Variants in ZNF814 observed in about 807,000 individuals in gnomAD.
The protein encoded by ZNF814 is zinc finger protein 814.
Under a neutral mutation model 7.5 loss-of-function variants are expected in ZNF814, and 5 were observed. The ratio of observed to expected loss-of-function variants is 0.67; its 90% CI spans 0.35 to 1.40. The LOEUF is 1.40. Among genes scored for constraint, ZNF814 ranks in the 40% most tolerant of loss-of-function variants. The pLI is 0.04. For missense variants in ZNF814, 962 were observed against 1,018.0 expected (o/e 0.94, Z 0.75); for synonymous variants, 315 against 340.7 (o/e 0.92, Z 0.83).
Position 57,873,405 on chromosome 19 carries a change from C to G in ZNF814, c.1985G>C (p.Cys662Ser), listed in dbSNP as rs1411876967. 1.9e-6 allele frequency: 3 copies of G among 1,611,762 alleles called. No individual in the cohort carries two copies. The East Asian group carries it at 6.7e-5, about 36-fold the overall frequency. The change falls in exon 3 of 3, where the codon TGT becomes TCT. Residue 662 changes from cysteine (C) to serine (S), a missense_variant. Transcript: ENST00000435989. ...ACTAAAACATTTCCCACATTCCCCA[C>G]ACTTAAAAGGTCTTTCTGTAGTGTG... Reference protein sequence around the residue: ...RVHTTERPFKCGECGKCFSHK... With the variant: ...RVHTTERPFKSGECGKCFSHK...
chr19:57,879,473 G>A (rs574199772), intron 1 of ZNF814, among the ~76,000 whole-genome samples: 32 of 148,814 alleles, frequency 2.2e-4, no homozygotes, highest in African/African-American at 7.1e-4. Flanking sequence ...AATAATGTCC[G>A]CCAGGGACCC....
chr19:57,889,691 C>A (rs2122477160), upstream of ZNF814, among the ~76,000 whole-genome samples: 1 of 152,130 alleles, frequency 6.6e-6, no homozygotes. Context: ...ATGGTGAAAC[C>A]CCGCCTCTAC....
At chr19:57,887,951 T>C (rs901221550) in intron 1 of ZNF814, among the ~76,000 whole-genome samples, 2 of 152,194 alleles carry the variant, frequency 1.3e-5, no homozygotes, top group African/African-American at 4.8e-5. Flanking sequence ...TCCTTTTAAT[T>C]TTTTGCATGT....
intron 1 of ZNF814, among the ~76,000 whole-genome samples, chr19:57,879,735 G>A (rs1159227529): frequency 2.0e-5 from 3 of 148,820 alleles, no homozygotes; most frequent in East Asian, 4.0e-4. Flanking sequence ...ACTATATTAT[G>A]CCTACTCCCA....
At chr19:57,901,783 T>G in the ZNF814 span, 10 of 398,502 alleles carry the variant, frequency 2.5e-5, no homozygotes, top group Admixed American at 4.4e-5. Flanking sequence ...GTACTTACTG[T>G]GGCGGTAAGC....
chr19:57,891,853 G>C (rs920520574), upstream of ZNF814, among the ~76,000 whole-genome samples: 6 of 152,072 alleles, frequency 3.9e-5, no homozygotes, highest in Non-Finnish European at 7.4e-5. Flanking sequence ...TCCTGGGTTC[G>C]AGCAATTCTT....
At chr19:57,894,659 C>G in the ZNF814 span, among the ~76,000 whole-genome samples, 284 of 151,458 alleles carry the variant, frequency 1.9e-3, 3 homozygotes, top group African/African-American at 6.6e-3. Flanking sequence ...GAAACCCCGT[C>G]TCTACTAAAA....
At chr19:57,899,342 CTA>C in the ZNF814 span, among the ~76,000 whole-genome samples, 1 of 152,170 alleles carries the variant, frequency 6.6e-6, no homozygotes, top group African/African-American at 2.4e-5. Context: ...GGAATTAACA[CTA>C]TGCCACAAAC....
chr19:57,888,950 T>G lies in ZNF814; in HGVS notation c.-148A>C. The G allele has an allele frequency of 1.2e-6, 1 of 819,216 alleles. No homozygotes were observed. Among genetic ancestry groups the G allele is most frequent in the Non-Finnish European group, 1.9e-6 (1 of 517,656 alleles). 50.7% of individuals were successfully genotyped at this position (819,216 alleles called of 1,614,324 possible). A position where few individuals can be genotyped will look rare whatever the true frequency, so the allele number is the denominator to read the frequency against. The stretch of plus-strand genomic sequence containing the variant: ...TAGCCTCTGTGCAGCGGAGGACAAC[T>G]GCTCCCCGACTTCTGGGTTCAGTCA... On this transcript the variant is annotated 5_prime_UTR_variant, in exon 1 of 3. Transcript: ENST00000435989.
At chr19:57,905,047 CA>C in the ZNF814 span, among the ~76,000 whole-genome samples, 4,991 of 53,282 alleles carry the variant, frequency 0.094, 36 homozygotes, top group Non-Finnish European at 0.11. Context: ...AACTCCGTCT[CA>C]AAAAAAAAAA....
At chr19:57,878,227 AC>A (rs1343340398) in intron 1 of ZNF814, among the ~76,000 whole-genome samples, 1 of 151,528 alleles carries the variant, frequency 6.6e-6, no homozygotes, top group Non-Finnish European at 1.5e-5. Flanking sequence ...GACACCACTC[AC>A]CACAGAGAGC....
intron 1 of ZNF814, among the ~76,000 whole-genome samples, chr19:57,880,809 G>C (rs965797890): frequency 2.7e-5 from 4 of 147,906 alleles, no homozygotes; most frequent in Non-Finnish European, 5.9e-5. Flanking sequence ...GTAGAGACAC[G>C]GTTTTGCCAT....
chr19:57,875,985 G>T (rs2071604204), intron 2 of ZNF814, among the ~76,000 whole-genome samples: 1 of 105,316 alleles, frequency 9.5e-6, no homozygotes, highest in African/African-American at 3.7e-5. Context: ...TTTTGAGATG[G>T]AGTCTCGCTC....
At chr19:57,886,041 C>T (rs892622969) in intron 1 of ZNF814, 1 of 149,650 alleles carries the variant, frequency 6.7e-6, no homozygotes, top group African/African-American at 2.5e-5. Context: ...CTATTATATA[C>T]CCACAAAAAT....
At chr19:57,875,727 G>T (rs911716914) in intron 2 of ZNF814, among the ~76,000 whole-genome samples, 3 of 152,112 alleles carry the variant, frequency 2.0e-5, no homozygotes, top group Non-Finnish European at 2.9e-5. Flanking sequence ...TAGGAGAATG[G>T]ACATTAGGGT....
chr19:57,901,078 C>T, the ZNF814 span, among the ~76,000 whole-genome samples: 6 of 151,230 alleles, frequency 4.0e-5, no homozygotes, highest in Admixed American at 6.6e-5. Flanking sequence ...CCTCGTGATC[C>T]GCCCGCCTTG....
At chr19:57,878,461 CTT>C (rs1004059214) in intron 1 of ZNF814, among the ~76,000 whole-genome samples, 13 of 138,272 alleles carry the variant, frequency 9.4e-5, no homozygotes, top group Non-Finnish European at 1.1e-4. Context: ...GATACATTAC[CTT>C]TTTTTTTTTT....
At chr19:57,887,915 ATTGT>A (rs1311341045) in intron 1 of ZNF814, among the ~76,000 whole-genome samples, 4 of 152,124 alleles carry the variant, frequency 2.6e-5, no homozygotes, top group Admixed American at 1.3e-4. Flanking sequence ...TGTCTTTTAA[ATTGT>A]TTGTTTCTCT....
the ZNF814 span, among the ~76,000 whole-genome samples, chr19:57,903,403 A>G: frequency 1.3e-5 from 2 of 152,210 alleles, no homozygotes; most frequent in Non-Finnish European, 2.9e-5. Flanking sequence ...CTCAGACAGT[A>G]ATTTGGATGG....
Sources: allele counts gnomAD v4.1 joint callset (sites outside exome capture counted in the v4.1 genomes callset), GRCh38; gene constraint gnomAD v4.1.1; transcripts MANE v1.5; gene names NCBI Gene and HGNC (gene_info 2026-07-23, HGNC 2026-07-21).